The following ZRANB3 variants were observed in gnomAD, a reference collection of about 807,000 sequenced individuals.
ZRANB3 encodes DNA annealing helicase and endonuclease ZRANB3.
A neutral mutation model predicts 133.8 loss-of-function variants in ZRANB3; 125 were observed. The ratio of observed to expected loss-of-function variants is 0.93; its 90% confidence interval spans 0.81 to 1.08. ZRANB3 has a LOEUF of 1.08. ZRANB3 is among the 50% of genes least tolerant of loss of function. ZRANB3 has a pLI of 0.00. For missense variants in ZRANB3, 1,229 were observed against 1,275.5 expected, an observed-to-expected ratio of 0.96 and a Z score of 0.56; for synonymous variants, 387 against 432.7, an observed-to-expected ratio of 0.89 and a Z score of 1.31.
intron 17 of ZRANB3, among the ~76,000 whole-genome samples, chr2:135,216,905 TC>T (rs1694334843): frequency 6.6e-6 from 1 of 152,126 alleles, no homozygotes; most frequent in Non-Finnish European, 1.5e-5. Flanking sequence ...AGGAAGGAAA[TC>T]AATGTACAGA....
chr2:135,470,297 C>T (rs1691198960), intron 2 of ZRANB3, among the ~76,000 whole-genome samples: 1 of 151,702 alleles, frequency 6.6e-6, no homozygotes, highest in African/African-American at 2.4e-5. Flanking sequence ...GCACTCCAAC[C>T]TGGGTGACAG....
At chr2:135,444,545 A>AC (rs1231234026) in intron 2 of ZRANB3, among the ~76,000 whole-genome samples, 1 of 151,866 alleles carries the variant, frequency 6.6e-6, no homozygotes, top group Non-Finnish European at 1.5e-5. Context: ...AAAAATAGGA[A>AC]CCCCCCAAAA....
chr2:135,386,103 G>C (rs919050879), intron 3 of ZRANB3, among the ~76,000 whole-genome samples: 1 of 151,952 alleles, frequency 6.6e-6, no homozygotes, highest in Non-Finnish European at 1.5e-5. Flanking sequence ...TCTGAGAAAG[G>C]GCTAATATCC....
intron 2 of ZRANB3, among the ~76,000 whole-genome samples, chr2:135,415,974 A>G (rs997314981): frequency 6.6e-6 from 1 of 152,034 alleles, no homozygotes; most frequent in African/African-American, 2.4e-5. Context: ...AATAAGAGCT[A>G]TCTATGACAA....
intron 2 of ZRANB3, among the ~76,000 whole-genome samples, chr2:135,485,685 C>T (rs1404697497): frequency 2.0e-5 from 3 of 152,098 alleles, no homozygotes; most frequent in African/African-American, 4.8e-5. Flanking sequence ...AAGCTAATGT[C>T]GTAAAAAGGT....
intron 12 of ZRANB3, among the ~76,000 whole-genome samples, chr2:135,260,902 T>TA (rs1679932343): frequency 6.8e-6 from 1 of 146,248 alleles, no homozygotes; most frequent in Non-Finnish European, 1.5e-5. Context: ...TTGACATATA[T>TA]ATTGTATACT....
At chr2:135,203,235 G>C (rs1693697798) in intron 19 of ZRANB3, among the ~76,000 whole-genome samples, 2 of 152,046 alleles carry the variant, frequency 1.3e-5, no homozygotes, top group African/African-American at 4.8e-5. Context: ...ACTCCTGACA[G>C]ATTGGGAAAA....
chr2:135,364,354 G>C (rs575223656), intron 3 of ZRANB3, among the ~76,000 whole-genome samples: 1 of 152,176 alleles, frequency 6.6e-6, no homozygotes, highest in South Asian at 2.1e-4. Flanking sequence ...TCATTTCTGG[G>C]GTATCTGGTT....
At chr2:135,438,196 G>A (rs921636002) in intron 2 of ZRANB3, among the ~76,000 whole-genome samples, 1 of 151,938 alleles carries the variant, frequency 6.6e-6, no homozygotes, top group Admixed American at 6.6e-5. Context: ...TATACTGTTG[G>A]TTCTGTTTCT....
chr2:135,224,558 C>A, intron 14 of ZRANB3, 41 bp from the exon 15 acceptor site: 3 of 1,461,626 alleles, frequency 2.1e-6, no homozygotes, highest in Admixed American at 1.8e-5. Flanking sequence ...GCTTATCTAC[C>A]CTCTATCTAA....
chr2:135,499,662 A>G (rs1692848185), intron 2 of ZRANB3, among the ~76,000 whole-genome samples: 1 of 152,198 alleles, frequency 6.6e-6, no homozygotes, highest in South Asian at 2.1e-4. Context: ...ATCACTATAT[A>G]CCTACCAGAA....
intron 2 of ZRANB3, among the ~76,000 whole-genome samples, chr2:135,492,341 T>C (rs746593596): frequency 4.0e-4 from 61 of 152,158 alleles, no homozygotes; most frequent in Non-Finnish European, 6.5e-4. Flanking sequence ...AATAAAAAGA[T>C]GGTTAAAGGC....
chr2:135,501,272 GA>G (rs1197145152), intron 2 of ZRANB3, among the ~76,000 whole-genome samples: 2 of 151,976 alleles, frequency 1.3e-5, no homozygotes, highest in Admixed American at 6.6e-5. Flanking sequence ...CACCAATGAA[GA>G]CACCCACCAG....
intron 3 of ZRANB3, among the ~76,000 whole-genome samples, chr2:135,388,801 G>A (rs1181219118): frequency 6.6e-6 from 1 of 152,134 alleles, no homozygotes; most frequent in Non-Finnish European, 1.5e-5. Context: ...TTTAGGCCGG[G>A]CACGATGGTT....
chr2:135,272,634 C>T (rs940208403), intron 9 of ZRANB3, among the ~76,000 whole-genome samples: 1 of 151,716 alleles, frequency 6.6e-6, no homozygotes, highest in African/African-American at 2.4e-5. Flanking sequence ...AGGATGGTCT[C>T]CATCTCCTGA....
chr2:135,269,859 T>C (rs974491677), intron 10 of ZRANB3, among the ~76,000 whole-genome samples: 5 of 152,222 alleles, frequency 3.3e-5, no homozygotes, highest in African/African-American at 9.6e-5. Flanking sequence ...GCTTATGCTA[T>C]AGCCATATAG....
chr2:135,431,411 T>C (rs566600185), intron 2 of ZRANB3, among the ~76,000 whole-genome samples: 9 of 151,676 alleles, frequency 5.9e-5, no homozygotes, highest in Non-Finnish European at 1.2e-4. Context: ...TTGGATTATA[T>C]ATGTATCTTT....
At chr2:135,437,515 C>T (rs1268210640) in intron 2 of ZRANB3, among the ~76,000 whole-genome samples, 2 of 152,102 alleles carry the variant, frequency 1.3e-5, no homozygotes, top group Admixed American at 6.6e-5. Context: ...ATACATATTT[C>T]CAGTTTAGAT....
At chr2:135,524,397 T>C (rs1694067599) in intron 1 of ZRANB3, among the ~76,000 whole-genome samples, 1 of 152,154 alleles carries the variant, frequency 6.6e-6, no homozygotes, top group Non-Finnish European at 1.5e-5. Flanking sequence ...AATTCTATAA[T>C]AGAAATATGT....
Sources: allele counts gnomAD v4.1 joint callset (sites outside exome capture counted in the v4.1 genomes callset), GRCh38; gene constraint gnomAD v4.1.1; transcripts MANE v1.5; gene names NCBI Gene and HGNC (gene_info 2026-07-23, HGNC 2026-07-21).